The following TRIP12 variants were observed in gnomAD, a reference collection of about 807,000 sequenced individuals.
TRIP12 encodes the protein E3 ubiquitin-protein ligase TRIP12.
TRIP12 carries 25 observed loss-of-function variants against 244.2 expected under a neutral mutation model. The observed-to-expected ratio is 0.10, with a 90% CI of 0.07 to 0.14. The LOEUF is 0.14. Ranked by LOEUF, TRIP12 falls within the 10% of genes least tolerant of loss-of-function variation. The probability of loss-of-function intolerance (pLI) is 1.00; values close to 1 mark genes in which losing one functional copy is unlikely to be tolerated. For synonymous variants in TRIP12, 905 were observed against 873.1 expected (o/e 1.04, Z -0.64); for missense variants, 1,677 against 2,486.4 (o/e 0.67, Z 6.92).
At chr2:229,920,357 T>G (rs1445044567) in intron 1 of TRIP12, among the ~76,000 whole-genome samples, 2 of 152,022 alleles carry the variant, frequency 1.3e-5, no homozygotes, top group Non-Finnish European at 2.9e-5. Flanking sequence ...GGAGATCGGG[T>G]GATCTGGCAG....
chr2:229,795,382 G>T (rs1315532047), intron 25 of TRIP12, 52 bp from the exon 26 acceptor site: 2 of 1,558,674 alleles, frequency 1.3e-6, no homozygotes, highest in East Asian at 4.6e-5. Context: ...CAAAACAAAA[G>T]TCTCCTCAAA....
At chr2:229,865,097 T>C (rs1010335566) in intron 2 of TRIP12, among the ~76,000 whole-genome samples, 1 of 151,956 alleles carries the variant, frequency 6.6e-6, no homozygotes, top group African/African-American at 2.4e-5. Context: ...TTGCTTGAGC[T>C]CAGGAGTTCA....
intron 1 of TRIP12, among the ~76,000 whole-genome samples, chr2:229,913,109 C>G (rs1345249870): frequency 2.6e-5 from 4 of 152,078 alleles, no homozygotes; most frequent in African/African-American, 7.2e-5. Flanking sequence ...CTCAGCCTCC[C>G]TAGGGGTTGG....
rs115876183 is a variant in TRIP12, at chr2:229,872,769, T to A, written c.98+7213A>T. Among the ~76,000 whole-genome samples the A allele has an allele frequency of 6.0e-3, 912 of 152,340 alleles. 10 individuals are homozygous for A. The highest frequency in any genetic ancestry group is 0.02 in the African/African-American group (839 of 41,572). ...TGCACCTTCTACAAACTCTTAAGTATCCCTATAAACTTACAGGACTTACAA... is the reference window on the plus strand; with the variant it reads ...TGCACCTTCTACAAACTCTTAAGTAACCCTATAAACTTACAGGACTTACAA... On this transcript the variant is annotated intron_variant, in intron 2 of 41. Coordinates refer to ENST00000675903, the MANE Select transcript of TRIP12 (RefSeq NM_001348323.3).
chr2:229,851,432 G>A (rs1216398719), intron 4 of TRIP12, among the ~76,000 whole-genome samples: 1 of 152,094 alleles, frequency 6.6e-6, no homozygotes, highest in Non-Finnish European at 1.5e-5. Flanking sequence ...GATTGTAAAT[G>A]CACCAATTAG....
intron 1 of TRIP12, among the ~76,000 whole-genome samples, chr2:229,912,929 G>A (rs1454180047): frequency 6.6e-6 from 1 of 152,100 alleles, no homozygotes; most frequent in Non-Finnish European, 1.5e-5. Flanking sequence ...GAGTGCAGTG[G>A]CATGACGCAC....
chr2:229,826,536 T>C (rs1277216423), intron 8 of TRIP12, among the ~76,000 whole-genome samples: 1 of 152,208 alleles, frequency 6.6e-6, no homozygotes, highest in Non-Finnish European at 1.5e-5. Context: ...TGAAATTTTA[T>C]AGATTAAAAT....
intron 1 of TRIP12, among the ~76,000 whole-genome samples, chr2:229,893,739 C>T (rs1416260941): frequency 1.3e-5 from 2 of 152,158 alleles, no homozygotes; most frequent in Non-Finnish European, 2.9e-5. Flanking sequence ...TTTAAAGCTG[C>T]TAGATTTTTC....
intron 2 of TRIP12, among the ~76,000 whole-genome samples, chr2:229,867,171 G>GTTTGTT (rs1201836319): frequency 3.5e-4 from 43 of 123,556 alleles, no homozygotes; most frequent in East Asian, 4.8e-4. Flanking sequence ...TTGTTTGTTT[G>GTTTGTT]TTTTTTTTTT....
chr2:229,817,189 A>G (rs3791837), intron 9 of TRIP12, among the ~76,000 whole-genome samples: 38,900 of 152,138 alleles, frequency 0.26, 6,098 homozygotes, highest in Middle Eastern at 0.42. Context: ...ATCTCATCAA[A>G]TGGGACAATA....
At chr2:229,864,649 A>C (rs1247497756) in intron 2 of TRIP12, among the ~76,000 whole-genome samples, 2 of 151,402 alleles carry the variant, frequency 1.3e-5, no homozygotes, top group African/African-American at 2.4e-5. Flanking sequence ...TTTTCAGTTT[A>C]TACATTAGCA....
chr2:229,855,534 C>G (rs1023321577), intron 4 of TRIP12, among the ~76,000 whole-genome samples: 1 of 147,372 alleles, frequency 6.8e-6, no homozygotes, highest in Non-Finnish European at 1.5e-5. Context: ...TTCATTTTCT[C>G]TAGAGTCTTA....
chr2:229,846,520 T>C (rs562858385), intron 4 of TRIP12, among the ~76,000 whole-genome samples: 1 of 152,278 alleles, frequency 6.6e-6, no homozygotes, highest in Admixed American at 6.5e-5. Flanking sequence ...ATAGTGTAAG[T>C]ACAACTTTTA....
At chr2:229,842,625 C>T (rs1261072791) in intron 4 of TRIP12, among the ~76,000 whole-genome samples, 1 of 151,894 alleles carries the variant, frequency 6.6e-6, no homozygotes, top group Non-Finnish European at 1.5e-5. Context: ...TAAAAAAAAC[C>T]CTGTATTCTT....
chr2:229,801,849 T>G (rs1164648705), intron 21 of TRIP12, among the ~76,000 whole-genome samples: 1 of 152,320 alleles, frequency 6.6e-6, no homozygotes, highest in South Asian at 2.1e-4. Flanking sequence ...TTTTCAGTAT[T>G]TTTAACTGTA....
chr2:229,807,963 T>A, intron 16 of TRIP12, 99 bp from the exon 17 acceptor site: 2 of 1,313,866 alleles, frequency 1.5e-6, no homozygotes, highest in South Asian at 3.0e-5. Flanking sequence ...AAAAGTTGTA[T>A]TTAGACCAAT....
At chr2:229,779,599 G>A (rs1297611977) in intron 34 of TRIP12, among the ~76,000 whole-genome samples, 2 of 152,134 alleles carry the variant, frequency 1.3e-5, no homozygotes, top group Non-Finnish European at 2.9e-5. Context: ...ATAATGGAAG[G>A]TCTGATTCCA....
chr2:229,867,276 C>T (rs1016227422), intron 2 of TRIP12, among the ~76,000 whole-genome samples: 1 of 151,378 alleles, frequency 6.6e-6, no homozygotes, highest in Middle Eastern at 3.2e-3. Context: ...AGAGATTCTC[C>T]TGCCTCAGCC....
chr2:229,797,876 A>G, intron 23 of TRIP12, 45 bp from the exon 24 acceptor site: 1 of 1,590,808 alleles, frequency 6.3e-7, no homozygotes, highest in Non-Finnish European at 8.6e-7. Context: ...GTGTATGTAG[A>G]AAGGATATAA....
Sources: gnomAD v4.1 joint callset for allele counts (sites outside exome capture counted in the v4.1 genomes callset) on GRCh38, gnomAD v4.1.1 for gene constraint, MANE v1.5 for transcripts, NCBI Gene and HGNC (gene_info 2026-07-23, HGNC 2026-07-21) for gene names.